NCAM1: variants seen among roughly 807,000 people sequenced by gnomAD.
The protein encoded by NCAM1 is antigen recognized by monoclonal antibody 5.1H11.
A neutral mutation model predicts 109.8 loss-of-function variants in NCAM1; 14 were observed. The ratio of observed to expected loss-of-function variants is 0.13; its 90% CI spans 0.08 to 0.20. The LOEUF (loss-of-function observed/expected upper bound fraction) is 0.20. Ranked by LOEUF, NCAM1 falls within the 10% of genes least tolerant of loss-of-function variation. The probability of loss-of-function intolerance (pLI) is 1.00; values close to 1 mark genes in which losing one functional copy is unlikely to be tolerated. For synonymous variants in NCAM1, 418 were observed against 442.9 expected, an observed-to-expected ratio of 0.94 and a Z score of 0.70; for missense variants, 774 against 1,109.9, an observed-to-expected ratio of 0.70 and a Z score of 4.30.
At chr11:113,138,513 G>A (rs1400884783) in intron 1 of NCAM1, among the ~76,000 whole-genome samples, 12 of 152,182 alleles carry the variant, frequency 7.9e-5, no homozygotes, top group African/African-American at 2.7e-4. Flanking sequence ...GAGAATTGAG[G>A]AGGGTATTTT....
At chr11:112,973,701 G>C (rs1950938958) in intron 1 of NCAM1, among the ~76,000 whole-genome samples, 1 of 152,116 alleles carries the variant, frequency 6.6e-6, no homozygotes, top group South Asian at 2.1e-4. Context: ...CACATAGTGA[G>C]CTCAGCAATT....
At chr11:113,215,956 G>A (rs1944514943) in intron 8 of NCAM1, among the ~76,000 whole-genome samples, 1 of 152,156 alleles carries the variant, frequency 6.6e-6, no homozygotes, top group African/African-American at 2.4e-5. Context: ...TGTCCAGAGT[G>A]ACCCAGTGTA....
chr11:113,108,252 T>G lies in NCAM1; in HGVS notation c.53-94127T>G, dbSNP rs567419438. On this transcript the variant is annotated intron_variant, in intron 1 of 19. Coordinates refer to ENST00000316851, the MANE Select transcript of NCAM1 (RefSeq NM_181351.5). The stretch of plus-strand genomic sequence containing the variant: ...TAATTTACCTTGTGTGAGGGCGAGG[T>G]AAGCAAAGGCATGCAAAGCCACACA... Among the ~76,000 whole-genome samples, 4 of 152,306 alleles carry G rather than the reference T, an allele frequency of 2.6e-5. No homozygotes were observed. The South Asian group carries it at 6.2e-4, about 24-fold the overall frequency.
chr11:113,269,955 C>T, intron 17 of NCAM1: 1 of 575,656 alleles, frequency 1.7e-6, no homozygotes, highest in East Asian at 2.9e-5. Flanking sequence ...CCAGGCTCAC[C>T]CCTGTTCCCC....
intron 13 of NCAM1, among the ~76,000 whole-genome samples, chr11:113,234,755 T>C (rs1402856832): frequency 6.6e-6 from 1 of 152,182 alleles, no homozygotes; most frequent in Non-Finnish European, 1.5e-5. Flanking sequence ...TGAACATGGG[T>C]AGCCCAGGTA....
intron 1 of NCAM1, among the ~76,000 whole-genome samples, chr11:113,000,855 A>C (rs797032482): frequency 8.9e-6 from 1 of 112,572 alleles, no homozygotes; most frequent in African/African-American, 3.9e-5. Flanking sequence ...TATACACAAA[A>C]AATATATATA....
intron 1 of NCAM1, among the ~76,000 whole-genome samples, chr11:112,982,488 C>T (rs1327439903): frequency 1.3e-5 from 2 of 151,744 alleles, no homozygotes; most frequent in East Asian, 1.9e-4. Context: ...TGTTGCTCTT[C>T]TTTTGGAAGC....
intron 1 of NCAM1, among the ~76,000 whole-genome samples, chr11:113,006,521 A>C (rs1565377847): frequency 6.6e-6 from 1 of 152,196 alleles, no homozygotes; most frequent in Non-Finnish European, 1.5e-5. Flanking sequence ...TTGCACTTTA[A>C]ACAAGTAAAT....
At chr11:113,049,344 T>C (rs1270926368) in intron 1 of NCAM1, among the ~76,000 whole-genome samples, 1 of 152,230 alleles carries the variant, frequency 6.6e-6, no homozygotes, top group Non-Finnish European at 1.5e-5. Flanking sequence ...TCTTAGGTAA[T>C]TTCTTCTCTG....
At chr11:113,003,477 T>C (rs535921700) in intron 1 of NCAM1, among the ~76,000 whole-genome samples, 27 of 152,350 alleles carry the variant, frequency 1.8e-4, no homozygotes, top group African/African-American at 6.5e-4. Flanking sequence ...CAGATGTTGC[T>C]TGAGTTTAAG....
At chr11:113,227,042 C>T (rs1944872875) in intron 9 of NCAM1, among the ~76,000 whole-genome samples, 1 of 152,080 alleles carries the variant, frequency 6.6e-6, no homozygotes, top group African/African-American at 2.4e-5. Context: ...AGAGCAAACA[C>T]ATTCAAAAGC....
At chr11:113,241,546 C>G (rs1295851789) in intron 14 of NCAM1, among the ~76,000 whole-genome samples, 3 of 152,170 alleles carry the variant, frequency 2.0e-5, no homozygotes, top group African/African-American at 7.2e-5. Flanking sequence ...TCATTACCAC[C>G]AAGCCAGCAG....
chr11:113,207,189 G>C lies in NCAM1; in HGVS notation c.629-72G>C, dbSNP rs561221237. ...GGCTGAGAACTCCTGACCTGGAGTG[G>C]TGTCTCTTCTCCAGGCCATTGGGTT... is the stretch of plus-strand genomic sequence containing the variant. On this transcript the variant is annotated intron_variant, in intron 5 of 19. Coordinates refer to ENST00000316851, the MANE Select transcript of NCAM1 (RefSeq NM_181351.5). 1.7e-4 allele frequency: 198 copies of C among 1,194,140 alleles called. 1 individual carries two copies. In the Admixed American group the frequency reaches 3.5e-3, roughly 21 times the overall value. The allele number at this position is 1,194,140 out of a possible 1,614,324, so 74.0% of individuals were successfully genotyped here. A position where few individuals can be genotyped will look rare whatever the true frequency, so the allele number is the denominator to read the frequency against.
intron 1 of NCAM1, among the ~76,000 whole-genome samples, chr11:113,065,351 A>G (rs1353512339): frequency 1.3e-5 from 2 of 152,164 alleles, no homozygotes; most frequent in African/African-American, 2.4e-5. Context: ...TCCATCCTAG[A>G]AGGGGGAGAA....
At chr11:113,230,128 A>G (rs1287779201) in intron 9 of NCAM1, among the ~76,000 whole-genome samples, 1 of 152,164 alleles carries the variant, frequency 6.6e-6, no homozygotes, top group Non-Finnish European at 1.5e-5. Flanking sequence ...GGAATGTATC[A>G]GCACTGTCAG....
rs1253599808 is a variant in NCAM1 at position 113,274,829 on chromosome 11, C to G, written c.2457-438C>G. 6.6e-6 allele frequency among the ~76,000 whole-genome samples: 1 copy of G among 152,170 alleles called. No homozygotes were observed. The highest frequency in any genetic ancestry group is 2.4e-5 in the African/African-American group (1 of 41,450). On this transcript the variant is annotated intron_variant, in intron 19 of 19. Coordinates refer to ENST00000316851, the MANE Select transcript of NCAM1 (RefSeq NM_181351.5). This position sits in a 1 kb window ranked among gnomAD's most constrained non-coding sequence, Gnocchi z 4.1. ...GGCCCCTGAAATCAGTGCTGGGAGC[C>G]CAGCCCAGCCCAGCAGGCTGCATTT... is the stretch of plus-strand genomic sequence containing the variant.
At chr11:113,073,075 TA>T (rs1555085581) in intron 1 of NCAM1, among the ~76,000 whole-genome samples, 3 of 152,192 alleles carry the variant, frequency 2.0e-5, no homozygotes, top group Non-Finnish European at 4.4e-5. Context: ...TCAATTACTC[TA>T]AATATCTCAA....
chr11:113,060,701 T>C (rs1369133594), intron 1 of NCAM1, among the ~76,000 whole-genome samples: 2 of 152,218 alleles, frequency 1.3e-5, no homozygotes, highest in African/African-American at 2.4e-5. Flanking sequence ...AGATTTTATT[T>C]TTAAAATTTT....
chr11:113,204,338 A>C lies in NCAM1; in HGVS notation c.180A>C (p.Glu60Asp), dbSNP rs1454764372. Residue 60 changes from glutamate (E) to aspartate (D), a missense_variant, in exon 3 of 20, where the codon GAA (glutamate) becomes GAC (aspartate). Physicochemically the swap from Glu to Asp is conservative, Grantham distance 45. Coordinates refer to ENST00000316851, the MANE Select transcript of NCAM1 (RefSeq NM_181351.5). ...TCTCCTGGTTCTCCCCCAATGGAGA[A>C]AAGCTCACCCCAAACCAGCAGCGGA... ...KDISWFSPNG[E>D]KLTPNQQRIS... The C allele has an allele frequency of 1.2e-6, 2 of 1,613,930 alleles. No individual in the cohort carries two copies. The highest frequency in any genetic ancestry group is 1.7e-6 in the Non-Finnish European group (2 of 1,179,868).
Sources: gnomAD v4.1 joint callset for allele counts (sites outside exome capture counted in the v4.1 genomes callset) on GRCh38, gnomAD v4.1.1 for gene constraint, Gnocchi (gnomAD v3.1) non-coding constraint, MANE v1.5 for transcripts, NCBI Gene and HGNC (gene_info 2026-07-23, HGNC 2026-07-21) for gene names.